The following ST3GAL5 variants were observed in gnomAD, a reference collection of about 807,000 sequenced individuals.
ST3GAL5 encodes lactosylceramide alpha-2,3-sialyltransferase.
In ST3GAL5, 25 loss-of-function variants were observed where a neutral mutation model predicts 46.1. That is an observed-to-expected ratio of 0.54 (90% CI 0.40 to 0.76). The LOEUF (loss-of-function observed/expected upper bound fraction) is 0.76. Among genes scored for constraint, ST3GAL5 ranks in the 30% least tolerant of loss-of-function variants. The pLI is 0.00. For synonymous variants in ST3GAL5, 182 were observed against 192.7 expected (o/e 0.94, Z 0.46); for missense variants, 431 against 521.2 (o/e 0.83, Z 1.69).
intron 5 of ST3GAL5, chr2:85,844,768 T>G (rs1682574937): frequency 1.6e-6 from 1 of 618,426 alleles, no homozygotes; most frequent in Admixed American, 2.6e-5. Context: ...CAGGCGGCAC[T>G]GGACAAAGAG....
intron 1 of ST3GAL5, among the ~76,000 whole-genome samples, chr2:85,877,239 A>G (rs1264799982): frequency 6.6e-6 from 1 of 152,236 alleles, no homozygotes; most frequent in African/African-American, 2.4e-5. Flanking sequence ...AAATTTCTCC[A>G]TTAGTCCCAG....
At chr2:85,849,855 AGTGTGTGTGTGTGTGTGTGTGT>A (rs3046619) in intron 3 of ST3GAL5, 1 of 147,248 alleles carries the variant, frequency 6.8e-6, no homozygotes, top group Non-Finnish European at 1.5e-5. Context: ...CACAGGCAGA[AGTGTGTGTGTGTGTGTGTGTGT>A]GTGTGTGTGT....
chr2:85,878,208 C>T (rs75870556), intron 1 of ST3GAL5, among the ~76,000 whole-genome samples: 5,804 of 152,178 alleles, frequency 0.038, 377 homozygotes, highest in African/African-American at 0.13. Flanking sequence ...TTTGCCTTAC[C>T]CAAGAAATAT....
chr2:85,869,124 A>G (rs1685620154), intron 1 of ST3GAL5, among the ~76,000 whole-genome samples: 1 of 152,192 alleles, frequency 6.6e-6, no homozygotes, highest in Admixed American at 6.5e-5. Context: ...ATCATAACTC[A>G]CTGCACCTTC....
In ST3GAL5 at chr2:85,884,467, T is replaced by TA. The variant is rs1242767058; in HGVS notation, c.82+4356dup. On this transcript the variant is annotated intron_variant, in intron 1 of 6. Coordinates refer to ENST00000638572, the MANE Select transcript of ST3GAL5 (RefSeq NM_003896.4). ...TTCTTTTCAATTTTTAAAATGTAGTTACTAGAAAATATAAAATTGGACAAG... is the reference window on the plus strand; with the variant it reads ...TTCTTTTCAATTTTTAAAATGTAGTTAACTAGAAAATATAAAATTGGACAAG... Among the ~76,000 whole-genome samples, 15 of 152,336 alleles carry TA rather than the reference T, an allele frequency of 9.8e-5. 1 individual carries two copies. Among genetic ancestry groups the TA allele is most frequent in the East Asian group, 1.9e-4 (1 of 5,186 alleles).
rs1014430106 is a variant in ST3GAL5 at position 85,888,819 on chromosome 2, C to A, written c.82+5G>T. The A allele has an allele frequency of 4.9e-5, 61 of 1,252,180 alleles. No homozygotes were observed. The highest frequency in any genetic ancestry group is 8.2e-5 in the Admixed American group (2 of 24,506). The allele number at this position is 1,252,180 out of a possible 1,614,324, so 77.6% of individuals were successfully genotyped here. On this transcript the variant is annotated splice_donor_5th_base_variant and intron_variant, in intron 1 of 6. Transcript: ENST00000638572. ...CGACGCCGAGGAGGGGGCTGCGCCACGTACCTCGGCCGGCAGGTGCCGCCG... is the reference window on the plus strand; with the variant it reads ...CGACGCCGAGGAGGGGGCTGCGCCAAGTACCTCGGCCGGCAGGTGCCGCCG...
At chr2:85,869,823 G>A (rs1383212268) in intron 1 of ST3GAL5, among the ~76,000 whole-genome samples, 1 of 152,118 alleles carries the variant, frequency 6.6e-6, no homozygotes, top group Admixed American at 6.6e-5. Context: ...GGATGACAGA[G>A]GCCCCTCCCT....
intron 1 of ST3GAL5, among the ~76,000 whole-genome samples, chr2:85,882,579 T>C (rs1687281752): frequency 1.3e-5 from 2 of 152,088 alleles, no homozygotes; most frequent in Non-Finnish European, 2.9e-5. Flanking sequence ...ACACCTGTAA[T>C]CCTAGCACTT....
chr2:85,842,959 T>C (rs1682333850), intron 6 of ST3GAL5, among the ~76,000 whole-genome samples: 1 of 152,086 alleles, frequency 6.6e-6, no homozygotes, highest in Non-Finnish European at 1.5e-5. Flanking sequence ...GGTTTCTCCA[T>C]GTTGGTCAGG....
chr2:85,881,082 T>C (rs1270097021), intron 1 of ST3GAL5, among the ~76,000 whole-genome samples: 1 of 152,204 alleles, frequency 6.6e-6, no homozygotes, highest in African/African-American at 2.4e-5. Context: ...ATTCTCATAC[T>C]GAATAAGTCT....
chr2:85,849,579 T>C (rs11679283), intron 3 of ST3GAL5: 46,683 of 151,510 alleles, frequency 0.31, 7,564 homozygotes, highest in East Asian at 0.54. Flanking sequence ...CGTGCCACTA[T>C]ACTCCAGCCT....
intron 3 of ST3GAL5, chr2:85,851,426 C>T: frequency 8.3e-7 from 1 of 1,206,212 alleles, no homozygotes; most frequent in Non-Finnish European, 1.1e-6. Flanking sequence ...GGAGACAGGG[C>T]TTTTTCTGTA....
chr2:85,870,680 T>C (rs1685822918), intron 1 of ST3GAL5, among the ~76,000 whole-genome samples: 1 of 148,650 alleles, frequency 6.7e-6, no homozygotes, highest in African/African-American at 2.4e-5. Context: ...ATCGTACACT[T>C]TTTTTTTTTT....
At chr2:85,842,802 C>A (rs1682303289) in intron 6 of ST3GAL5, among the ~76,000 whole-genome samples, 1 of 150,938 alleles carries the variant, frequency 6.6e-6, no homozygotes, top group African/African-American at 2.4e-5. Flanking sequence ...ACTCTTGTTG[C>A]CCAGGCTGGA....
At chr2:85,867,096 G>A (rs1226332313) in intron 1 of ST3GAL5, among the ~76,000 whole-genome samples, 1 of 152,288 alleles carries the variant, frequency 6.6e-6, no homozygotes, top group East Asian at 1.9e-4. Flanking sequence ...TTTGAGACCA[G>A]CCTGGGCAAC....
intron 1 of ST3GAL5, chr2:85,867,792 A>G (rs1685447847): frequency 1.5e-6 from 1 of 675,250 alleles, no homozygotes; most frequent in African/African-American, 1.8e-5. Context: ...TATAACGGCA[A>G]GACTGTTTTG....
chr2:85,847,500 A>G, intron 4 of ST3GAL5: 1 of 1,051,314 alleles, frequency 9.5e-7, no homozygotes, highest in Admixed American at 4.9e-5. Context: ...AGGGACTGTG[A>G]AGAGCTTCCT....
At chr2:85,844,861 CA>C in intron 5 of ST3GAL5, 1 of 431,328 alleles carries the variant, frequency 2.3e-6, no homozygotes, top group South Asian at 2.1e-5. Flanking sequence ...TAGGGAAGCC[CA>C]AGTGAATAGG....
intron 1 of ST3GAL5, among the ~76,000 whole-genome samples, chr2:85,884,966 T>G (rs1303436858): frequency 6.6e-6 from 1 of 152,226 alleles, no homozygotes; most frequent in Non-Finnish European, 1.5e-5. Flanking sequence ...ACTTAACTGT[T>G]ATAATCCCAG....
Sources: gnomAD v4.1 joint callset for allele counts (sites outside exome capture counted in the v4.1 genomes callset) on GRCh38, gnomAD v4.1.1 for gene constraint, MANE v1.5 for transcripts, NCBI Gene and HGNC (gene_info 2026-07-23, HGNC 2026-07-21) for gene names.